The following GRAMD4 variants were observed in gnomAD, a reference collection of about 807,000 sequenced individuals.
GRAMD4 encodes the protein GRAM domain-containing protein 4.
In GRAMD4, 25 loss-of-function variants were observed where a neutral mutation model predicts 83.9. The ratio of observed to expected loss-of-function variants is 0.30; its 90% CI spans 0.22 to 0.42. GRAMD4 has a LOEUF of 0.42. Ranked by LOEUF, GRAMD4 falls within the 10% of genes least tolerant of loss-of-function variation. GRAMD4 has a pLI of 1.00. For synonymous variants in GRAMD4, 336 were observed against 320.9 expected (o/e 1.05, Z -0.50); for missense variants, 593 against 788.7 (o/e 0.75, Z 2.97).
At chr22:46,612,067 G>T (rs572436060) in intron 1 of GRAMD4, among the ~76,000 whole-genome samples, 3 of 150,710 alleles carry the variant, frequency 2.0e-5, no homozygotes, top group East Asian at 1.9e-4. Context: ...GCAGTGGTTC[G>T]ATCATAGCTC....
intron 4 of GRAMD4, among the ~76,000 whole-genome samples, chr22:46,661,169 A>T (rs1407463026): frequency 6.6e-6 from 1 of 152,110 alleles, no homozygotes; most frequent in African/African-American, 2.4e-5. Flanking sequence ...TGGTTGTTTA[A>T]AAACAAAACG....
intron 1 of GRAMD4, among the ~76,000 whole-genome samples, chr22:46,611,366 C>T (rs1301341608): frequency 4.6e-5 from 7 of 151,910 alleles, no homozygotes; most frequent in East Asian, 3.9e-4. Context: ...GGTGGGGTGA[C>T]GGGTGCTAAG....
intron 1 of GRAMD4, among the ~76,000 whole-genome samples, chr22:46,615,239 A>G (rs374540456): frequency 1.4e-3 from 8 of 5,560 alleles, no homozygotes; most frequent in Non-Finnish European, 2.3e-3. Context: ...TCCCTTGTGC[A>G]TGTAGGTTCC....
Position 46,637,904 on chromosome 22 carries a change from G to A in GRAMD4, c.227G>A (p.Arg76Gln). Reference sequence around the variant, plus strand: ...GACTTTAACCGGACAGAGTTTGATCGACTGAATGAGATCAAAGGTCACCTG... The same window carrying A: ...GACTTTAACCGGACAGAGTTTGATCAACTGAATGAGATCAAAGGTCACCTG... ...VQDFNRTEFD[R>Q]LNEIKGHLEI... Residue 76 changes from arginine (R) to glutamine (Q), a missense_variant, in exon 3 of 19, where the codon CGA becomes CAA. Arg to Gln is a conservative substitution (Grantham distance 43, BLOSUM62 1). Around this residue, in one of 4 missense-constraint regions of GRAMD4, gnomAD observed 312 missense variants for 350.7 expected, o/e 0.89. Transcript: ENST00000406902. 2 of 1,613,288 alleles carry A rather than the reference G, an allele frequency of 1.2e-6. No homozygotes were observed. Among genetic ancestry groups the A allele is most frequent in the Non-Finnish European group, 1.7e-6 (2 of 1,179,222 alleles).
chr22:46,677,305 T>C lies in GRAMD4; in HGVS notation c.*54T>C, dbSNP rs2147435135. 3 of 1,504,416 alleles carry C rather than the reference T, an allele frequency of 2.0e-6. No individual in the cohort carries two copies. Among genetic ancestry groups the C allele is most frequent in the East Asian group, 2.4e-5 (1 of 42,072 alleles). 93.2% of individuals were successfully genotyped at this position (1,504,416 alleles called of 1,614,324 possible). On this transcript the variant is annotated 3_prime_UTR_variant, in exon 19 of 19. Coordinates refer to ENST00000406902, the MANE Select transcript of GRAMD4 (RefSeq NM_015124.5). The stretch of plus-strand genomic sequence containing the variant: ...TTTTCTTTTTCTTTTTCTTTTTCTT[T>C]TTTTTTTTTTACGATTTGGTAGTGG...
At chr22:46,580,995 A>G (rs976040610) in intron 1 of GRAMD4, among the ~76,000 whole-genome samples, 1 of 151,776 alleles carries the variant, frequency 6.6e-6, no homozygotes, top group African/African-American at 2.4e-5. Flanking sequence ...GAAAGAAAGA[A>G]AAAAGAAAAT....
Position 46,673,943 on chromosome 22 carries a change from C to T in GRAMD4, c.1384+129C>T, listed in dbSNP as rs184893094. The T allele has an allele frequency of 2.0e-4, 197 of 972,022 alleles. No homozygotes were observed. In the East Asian group the frequency reaches 4.6e-3, roughly 23 times the overall value. The allele number at this position is 972,022 out of a possible 1,614,324, so 60.2% of individuals were successfully genotyped here. A position where few individuals can be genotyped will look rare whatever the true frequency, so the allele number is the denominator to read the frequency against. ...AGAGGAGCCCTCAGGATGGCATTCA[C>T]ATCCCACTGCCCCAGGAGGAGTGCA... On this transcript the variant is annotated intron_variant, in intron 15 of 18. Transcript: ENST00000406902.
At chr22:46,667,624 G>C (rs554702296) in intron 10 of GRAMD4, among the ~76,000 whole-genome samples, 45 of 152,388 alleles carry the variant, frequency 3.0e-4, no homozygotes, top group Non-Finnish European at 4.9e-4. Flanking sequence ...GCCTAGTTGG[G>C]TATCTCAGTG....
intron 1 of GRAMD4, chr22:46,587,863 C>G: frequency 1.0e-6 from 1 of 976,434 alleles, no homozygotes; most frequent in Non-Finnish European, 1.2e-6. Context: ...GCGCCAGAAG[C>G]CCGGGCGTCG....
chr22:46,669,386 A>G (rs2082463369), intron 13 of GRAMD4, among the ~76,000 whole-genome samples: 2 of 149,094 alleles, frequency 1.3e-5, no homozygotes, highest in Admixed American at 6.6e-5. Context: ...GCGGCGGGGA[A>G]GGAGGGTGGC....
intron 1 of GRAMD4, among the ~76,000 whole-genome samples, chr22:46,615,003 AGGTTCCCCTGTGCGTGTG>A (rs2081461166): frequency 1.1e-5 from 1 of 90,200 alleles, no homozygotes. Flanking sequence ...CCCCGTGTGT[AGGTTCCCCTGTGCGTGTG>A]GGTTCCCCCG....
intron 3 of GRAMD4, 135 bp downstream of exon 3, chr22:46,638,095 G>A (rs944273336): frequency 3.2e-5 from 29 of 920,218 alleles, no homozygotes; most frequent in Non-Finnish European, 4.3e-5. Flanking sequence ...CGAGCCCTGG[G>A]CAGCTGTGGC....
intron 2 of GRAMD4, among the ~76,000 whole-genome samples, chr22:46,635,799 AC>A (rs1275763101): frequency 2.7e-4 from 6 of 22,150 alleles, no homozygotes; most frequent in Non-Finnish European, 5.3e-4. Flanking sequence ...CCTGCCCCCC[AC>A]CCCCCCGGCC....
chr22:46,617,357 C>G (rs1444853766), upstream of GRAMD4, among the ~76,000 whole-genome samples: 1 of 149,232 alleles, frequency 6.7e-6, no homozygotes. Flanking sequence ...TGTGTAGGTT[C>G]TCCCATGTGT....
At chr22:46,629,178 G>A (rs1056779605) in intron 2 of GRAMD4, among the ~76,000 whole-genome samples, 3 of 152,110 alleles carry the variant, frequency 2.0e-5, no homozygotes, top group East Asian at 1.9e-4. Context: ...TTGGGGCATC[G>A]TGCTGAATGC....
intron 3 of GRAMD4, among the ~76,000 whole-genome samples, chr22:46,653,071 G>C (rs1487888747): frequency 6.6e-6 from 1 of 152,192 alleles, no homozygotes; most frequent in African/African-American, 2.4e-5. Flanking sequence ...GGAGAGCAGC[G>C]GTCAGACGCT....
intron 9 of GRAMD4, among the ~76,000 whole-genome samples, chr22:46,666,189 CT>C (rs2082406291): frequency 6.6e-6 from 1 of 152,210 alleles, no homozygotes; most frequent in Non-Finnish European, 1.5e-5. Context: ...CGTGTCACCC[CT>C]TATGCCCCCT....
intron 1 of GRAMD4, among the ~76,000 whole-genome samples, chr22:46,584,016 C>G (rs758061183): frequency 3.3e-5 from 5 of 152,152 alleles, no homozygotes; most frequent in Non-Finnish European, 5.9e-5. Context: ...CATGTGGGTT[C>G]GTGGATACTC....
At chr22:46,668,036 C>T (rs2082436751) in intron 10 of GRAMD4, 60 bp from the exon 11 acceptor site, 1 of 1,219,486 alleles carries the variant, frequency 8.2e-7, no homozygotes, top group Non-Finnish European at 1.2e-6. Flanking sequence ...ACTGTTTTGT[C>T]AGTGGTTTTT....
Sources: allele counts gnomAD v4.1 joint callset (sites outside exome capture counted in the v4.1 genomes callset), GRCh38; gene constraint gnomAD v4.1.1; regional missense constraint gnomAD v4.1.1; transcripts MANE v1.5; gene names NCBI Gene and HGNC (gene_info 2026-07-23, HGNC 2026-07-21).